Variants in STX1A observed in about 807,000 individuals in gnomAD.
The protein encoded by STX1A is syntaxin-1A.
STX1A carries 4 observed loss-of-function variants against 37.8 expected under a neutral mutation model. The ratio of observed to expected loss-of-function variants is 0.11; its 90% CI spans 0.05 to 0.24. The LOEUF is 0.24. Ranked by LOEUF, STX1A falls within the 10% of genes least tolerant of loss-of-function variation. The pLI is 1.00. For missense variants in STX1A, 251 were observed against 399.9 expected, an observed-to-expected ratio of 0.63 and a Z score of 3.18; for synonymous variants, 135 against 147.4, an observed-to-expected ratio of 0.92 and a Z score of 0.61.
At chr7:73,718,340 C>A (rs1799364302) in intron 1 of STX1A, among the ~76,000 whole-genome samples, 1 of 152,154 alleles carries the variant, frequency 6.6e-6, no homozygotes, top group South Asian at 2.1e-4. Flanking sequence ...GAGCCCAGGT[C>A]CCGGCTCCAG....
chr7:73,700,476 G>A lies in STX1A; in HGVS notation c.798C>T (p.Ile266=), dbSNP rs1295428295. Residue 266 remains isoleucine (I), a synonymous_variant, in exon 10 of 10, where the codon ATC becomes ATT. Coordinates refer to ENST00000222812, the MANE Select transcript of STX1A (RefSeq NM_004603.4). This position sits in a 1 kb window ranked among gnomAD's most constrained non-coding sequence, Gnocchi z 4.4. ...GGATCACACAGCAGATGATGATCAT[G>A]ATTTTCTTCTGCATGGGAAGCGGGC... ...KYQSKARRKK[I]MIIICCVILG... is the part of the protein sequence containing the mutation. 1.2e-6 allele frequency: 2 copies of A among 1,613,902 alleles called. No individual in the cohort carries two copies. The highest frequency in any genetic ancestry group is 1.7e-6 in the Non-Finnish European group (2 of 1,179,998).
chr7:73,704,296 G>A (rs781959209), intron 5 of STX1A, 40 bp from the exon 6 acceptor site: 1 of 1,613,546 alleles, frequency 6.2e-7, no homozygotes, highest in South Asian at 1.1e-5. Flanking sequence ...CAGGCCCTGC[G>A]GGGACCGACC....
In STX1A at chr7:73,705,208, C is replaced by T. The variant is rs1554616680; in HGVS notation, c.225G>A (p.Leu75=). The T allele has an allele frequency of 6.2e-7, 1 of 1,614,116 alleles. No homozygotes were observed. The highest frequency in any genetic ancestry group is 2.2e-5 in the East Asian group (1 of 44,880). ...TCTTTATGTCGGACATGAGTTCTTC[C>T]AGCTCCTCCTTCGTCTCTGGGGAGG... ...PNPDEKTKEE[L]EELMSDIKKT... Residue 75 remains leucine (L), a synonymous_variant, in exon 4 of 10, where the codon CTG becomes CTA. Coordinates refer to ENST00000222812, the MANE Select transcript of STX1A (RefSeq NM_004603.4). The surrounding 1 kb of genome is among the most constrained non-coding windows in gnomAD (Gnocchi z 5.2).
chr7:73,712,098 A>G (rs570491770), intron 1 of STX1A, among the ~76,000 whole-genome samples: 1 of 152,158 alleles, frequency 6.6e-6, no homozygotes, highest in South Asian at 2.1e-4. Context: ...ACGCAGGTCA[A>G]GTCTACCCTG....
chr7:73,716,009 G>C (rs1241727793), intron 1 of STX1A, among the ~76,000 whole-genome samples: 2 of 152,200 alleles, frequency 1.3e-5, no homozygotes, highest in Non-Finnish European at 2.9e-5. Context: ...TCAGGCCGTG[G>C]AAGGGGCCAG....
chr7:73,704,044 G>A, intron 6 of STX1A, 104 bp downstream of exon 6: 2 of 1,213,808 alleles, frequency 1.6e-6, no homozygotes, highest in Admixed American at 2.7e-5. Context: ...CACCCGCCTC[G>A]GGCCCCTAAC....
At chr7:73,708,504 C>T in intron 3 of STX1A, 85 bp downstream of exon 3, 1 of 1,331,196 alleles carries the variant, frequency 7.5e-7, no homozygotes, top group Non-Finnish European at 1.1e-6. Context: ...ATGAAGGCTG[C>T]AGAGGTCCCG....
At chr7:73,716,166 C>T (rs1400598173) in intron 1 of STX1A, among the ~76,000 whole-genome samples, 2 of 152,252 alleles carry the variant, frequency 1.3e-5, no homozygotes, top group Admixed American at 6.5e-5. Flanking sequence ...CCAAATGCAT[C>T]GTTCATGCTG....
intron 4 of STX1A, 68 bp from the exon 5 acceptor site, chr7:73,704,491 A>T: frequency 6.3e-7 from 1 of 1,587,796 alleles, no homozygotes; most frequent in Non-Finnish European, 8.6e-7. Flanking sequence ...CCGCACACCC[A>T]GCATCTATCC....
intron 3 of STX1A, among the ~76,000 whole-genome samples, chr7:73,708,055 G>A (rs1396858260): frequency 6.6e-6 from 1 of 151,318 alleles, no homozygotes; most frequent in Non-Finnish European, 1.5e-5. Flanking sequence ...CACGAGGTCA[G>A]GAGATCAAGA....
rs782559213 is a variant in STX1A, at chr7:73,705,262, C to A, written c.209-38G>T. 2 of 1,567,072 alleles carry A rather than the reference C, an allele frequency of 1.3e-6. No homozygotes were observed. The highest frequency in any genetic ancestry group is 1.8e-6 in the Non-Finnish European group (2 of 1,138,040). ...AAAGGGTGGGGGTAGGCCTCCTAGG[C>A]TCCGCGGGGACTGATGTGCAGGCTC... On this transcript the variant is annotated intron_variant, in intron 3 of 9. Coordinates refer to ENST00000222812, the MANE Select transcript of STX1A (RefSeq NM_004603.4). This position sits in a 1 kb window ranked among gnomAD's most constrained non-coding sequence, Gnocchi z 5.2.
Position 73,700,922 on chromosome 7 carries a change from C to T in STX1A, c.679-82G>A, listed in dbSNP as rs1798628672. On this transcript the variant is annotated intron_variant, in intron 8 of 9. Coordinates refer to ENST00000222812, the MANE Select transcript of STX1A (RefSeq NM_004603.4). The surrounding 1 kb of genome is among the most constrained non-coding windows in gnomAD (Gnocchi z 4.4). ...GGCTCGGGGCAGGACTTCAGGAAAG[C>T]ACCCTGAGGCTAGAGACAAAAAGGG... The T allele has an allele frequency of 2.5e-6, 4 of 1,585,354 alleles. No homozygotes were observed. Among genetic ancestry groups the T allele is most frequent in the Non-Finnish European group, 3.4e-6 (4 of 1,170,450 alleles).
At chr7:73,719,220 G>A (rs925548831) in intron 1 of STX1A, among the ~76,000 whole-genome samples, 1 of 152,128 alleles carries the variant, frequency 6.6e-6, no homozygotes, top group Admixed American at 6.5e-5. Context: ...GGGGGCACGG[G>A]AGGTCAGAGA....
intron 1 of STX1A, chr7:73,716,664 T>G (rs549996056): frequency 2.6e-5 from 4 of 152,702 alleles, no homozygotes; most frequent in African/African-American, 7.2e-5. Context: ...AGGATTGTGC[T>G]GCTCCAACTC....
At position 73,700,673 on chromosome 7, in the gene STX1A, G is replaced by C. The variant is rs1798618360; in HGVS notation, c.789+57C>G. The C allele has an allele frequency of 3.7e-6, 6 of 1,603,910 alleles. No homozygotes were observed. The highest frequency in any genetic ancestry group is 3.4e-5 in the Admixed American group (2 of 59,494). On this transcript the variant is annotated intron_variant, in intron 9 of 9. Coordinates refer to ENST00000222812, the MANE Select transcript of STX1A (RefSeq NM_004603.4). This position sits in a 1 kb window ranked among gnomAD's most constrained non-coding sequence, Gnocchi z 4.4. Reference sequence around the variant, plus strand: ...GTGGGATGGGGAGGGATGTGGGATGGTTGGGGGTCCCTAATGGGTGCTGGG... The same window carrying C: ...GTGGGATGGGGAGGGATGTGGGATGCTTGGGGGTCCCTAATGGGTGCTGGG...
At chr7:73,704,982 C>G in intron 4 of STX1A, 168 bp downstream of exon 4, 2 of 723,862 alleles carry the variant, frequency 2.8e-6, no homozygotes, top group South Asian at 1.6e-5. Context: ...GAGTCTGGCA[C>G]CAACGGGCCT....
At chr7:73,703,059 G>T (rs1454624718) in intron 7 of STX1A, 77 bp from the exon 8 acceptor site, 9 of 1,112,936 alleles carry the variant, frequency 8.1e-6, no homozygotes, top group Non-Finnish European at 1.1e-5. Flanking sequence ...GAGGGCGTTT[G>T]GGGTGGGCAG....
Position 73,704,515 on chromosome 7 carries a change from C to T in STX1A, c.284-92G>A, listed in dbSNP as rs1008946516. On this transcript the variant is annotated intron_variant, in intron 4 of 9. Transcript: ENST00000222812. ...CAGCATCTATCCACCTTCCCACATC[C>T]CCTAGGGTATGTGTGTGGCCTGTGG... The T allele has an allele frequency of 1.1e-5, 17 of 1,513,360 alleles. No individual in the cohort carries two copies. In the African/African-American group the frequency reaches 1.8e-4, roughly 16 times the overall value. The allele number at this position is 1,513,360 out of a possible 1,614,324, so 93.7% of individuals were successfully genotyped here.
chr7:73,708,958 G>T, intron 2 of STX1A, 87 bp downstream of exon 2: 1 of 1,445,822 alleles, frequency 6.9e-7, no homozygotes, highest in Non-Finnish European at 9.7e-7. Context: ...GTGCAGGTGT[G>T]AAAGAGCACT....
Sources: gnomAD v4.1 joint callset for allele counts (sites outside exome capture counted in the v4.1 genomes callset) on GRCh38, gnomAD v4.1.1 for gene constraint, Gnocchi (gnomAD v3.1) non-coding constraint, MANE v1.5 for transcripts, NCBI Gene and HGNC (gene_info 2026-07-23, HGNC 2026-07-21) for gene names.